The following GPSM2 variants were observed in gnomAD, a reference collection of about 807,000 sequenced individuals.
The protein encoded by GPSM2 is G protein signaling modulator 2, also known as G protein-signaling modulator 2.
In GPSM2, 58 loss-of-function variants were observed where a neutral mutation model predicts 78.4. That is an observed-to-expected ratio of 0.74 (90% confidence interval 0.60 to 0.92). The LOEUF is 0.92. Among genes scored for constraint, GPSM2 ranks in the 40% least tolerant of loss-of-function variants. The pLI is 0.00. For synonymous variants in GPSM2, 224 were observed against 280.2 expected (o/e 0.80, Z 2.00); for missense variants, 700 against 815.5 (o/e 0.86, Z 1.73).
chr1:108,887,264 TG>T (rs1440341395), intron 2 of GPSM2, among the ~76,000 whole-genome samples: 3 of 152,168 alleles, frequency 2.0e-5, no homozygotes, highest in Non-Finnish European at 2.9e-5. Context: ...TTTAAAAATG[TG>T]GGTTGAACAT....
intron 10 of GPSM2, among the ~76,000 whole-genome samples, chr1:108,906,011 A>T (rs759340506): frequency 2.7e-4 from 41 of 152,180 alleles, no homozygotes; most frequent in Middle Eastern, 6.3e-3. Context: ...TCAGATTTAT[A>T]TTTCCAGCCA....
intron 10 of GPSM2, among the ~76,000 whole-genome samples, chr1:108,912,960 T>C (rs1350272867): frequency 6.6e-6 from 1 of 151,576 alleles, no homozygotes; most frequent in East Asian, 1.9e-4. Flanking sequence ...CCCATAAATA[T>C]ATGAGAAGAT....
At position 108,923,975 on chromosome 1, in the gene GPSM2, T is replaced by C. The variant is rs12034820; in HGVS notation, c.1601-25T>C. 0.013 allele frequency: 18,834 copies of C among 1,486,796 alleles called. 288 individuals are homozygous for C. Among genetic ancestry groups the C allele is most frequent in the South Asian group, 0.054 (4,736 of 88,386 alleles). The allele number at this position is 1,486,796 out of a possible 1,614,324, so 92.1% of individuals were successfully genotyped here. On this transcript the variant is annotated intron_variant, in intron 13 of 14. Coordinates refer to ENST00000264126, the MANE Select transcript of GPSM2 (RefSeq NM_013296.5). ...TTTTGTTTTTTGTTTTTTTTTAATC[T>C]TTGGCTTTCTTCTTCTGTTCTTAGC... is the stretch of plus-strand genomic sequence containing the variant.
At chr1:108,898,531 G>A in intron 5 of GPSM2, 111 bp from the exon 6 acceptor site, 1 of 914,188 alleles carries the variant, frequency 1.1e-6, no homozygotes, top group Non-Finnish European at 1.7e-6. Context: ...TGCACATTAT[G>A]GCTGTAAGCT....
chr1:108,881,147 T>A (rs1665877518), intron 1 of GPSM2, among the ~76,000 whole-genome samples: 1 of 152,236 alleles, frequency 6.6e-6, no homozygotes, highest in Non-Finnish European at 1.5e-5. Flanking sequence ...TTTCTATATG[T>A]CTCTGTCAAT....
At chr1:108,897,387 C>T in intron 3 of GPSM2, 105 bp from the exon 4 acceptor site, 1 of 1,094,752 alleles carries the variant, frequency 9.1e-7, no homozygotes, top group African/African-American at 1.6e-5. Flanking sequence ...TTAAGCATGT[C>T]AGTTTGTCCT....
At chr1:108,924,569 T>C (rs1299654157) in intron 14 of GPSM2, among the ~76,000 whole-genome samples, 1 of 152,100 alleles carries the variant, frequency 6.6e-6, no homozygotes, top group Non-Finnish European at 1.5e-5. Flanking sequence ...GGGGAGTGTC[T>C]GTTTTAGGTA....
intron 10 of GPSM2, among the ~76,000 whole-genome samples, chr1:108,910,289 T>C (rs1235905733): frequency 6.6e-6 from 1 of 152,170 alleles, no homozygotes; most frequent in Admixed American, 6.6e-5. Context: ...CGAGCAGTAA[T>C]TTAAAATCTT....
At chr1:108,911,915 C>G (rs1337855945) in intron 10 of GPSM2, among the ~76,000 whole-genome samples, 1 of 151,134 alleles carries the variant, frequency 6.6e-6, no homozygotes, top group Non-Finnish European at 1.5e-5. Flanking sequence ...AAGCAATCTG[C>G]CCACCTCAGC....
chr1:108,897,998 T>TATTGTA lies in GPSM2; in HGVS notation c.456_457insTGTAAT (p.Tyr152_His153insCysAsn). The TATTGTA allele has an allele frequency of 6.2e-7, 1 of 1,613,852 alleles. No homozygotes were observed. Among genetic ancestry groups the TATTGTA allele is most frequent in the Non-Finnish European group, 8.5e-7 (1 of 1,179,720 alleles). ...AGCACTTTACAATCTTGGGAATGTG[T>TATTGTA]ATCATGCCAAAGGGAAAAGTTTTGG... On this transcript the variant is annotated inframe_insertion, in exon 5 of 15. Transcript: ENST00000264126.
At chr1:108,919,849 AAAG>A (rs1650565108) in intron 12 of GPSM2, among the ~76,000 whole-genome samples, 1 of 152,248 alleles carries the variant, frequency 6.6e-6, no homozygotes, top group Non-Finnish European at 1.5e-5. Flanking sequence ...AGTACATTAC[AAAG>A]AAGGTACTTC....
chr1:108,903,977 T>G (rs1301361560), intron 9 of GPSM2, 148 bp from the exon 10 acceptor site: 9 of 615,010 alleles, frequency 1.5e-5, no homozygotes, highest in South Asian at 1.4e-4. Flanking sequence ...GAAAAAAATT[T>G]TCATTCATTC....
chr1:108,909,201 G>A (rs1649511027), intron 10 of GPSM2, among the ~76,000 whole-genome samples: 1 of 152,170 alleles, frequency 6.6e-6, no homozygotes, highest in Non-Finnish European at 1.5e-5. Flanking sequence ...GTATGTTTGT[G>A]TATGTTCTAG....
chr1:108,916,724 A>G (rs1204172188), intron 11 of GPSM2, among the ~76,000 whole-genome samples: 1 of 152,230 alleles, frequency 6.6e-6, no homozygotes, highest in Admixed American at 6.5e-5. Context: ...AAGTGATAAA[A>G]TTCTATCCTT....
intron 10 of GPSM2, 94 bp from the exon 11 acceptor site, chr1:108,914,244 T>C (rs553910071): frequency 5.0e-6 from 4 of 807,588 alleles, no homozygotes; most frequent in South Asian, 2.9e-5. Context: ...TATGGGTTTG[T>C]GTATCAGATT....
chr1:108,929,868 G>A lies in GPSM2; in HGVS notation c.1983G>A (p.Gly661=). 1 of 1,613,838 alleles carries A rather than the reference G, an allele frequency of 6.2e-7. No individual in the cohort carries two copies. The highest frequency in any genetic ancestry group is 8.5e-7 in the Non-Finnish European group (1 of 1,179,758). ...ATCAAAACAGAGACACTGACTTTGG[G>A]CTAAAGGACTTTTTGCAAAATAATG... ...QRDQNRDTDF[G]LKDFLQNNAL... Residue 661 remains glycine, a synonymous_variant, in exon 15 of 15, where the codon GGG becomes GGA. Coordinates refer to ENST00000264126, the MANE Select transcript of GPSM2 (RefSeq NM_013296.5).
chr1:108,901,314 C>T (rs1648786720), intron 7 of GPSM2, among the ~76,000 whole-genome samples: 1 of 152,144 alleles, frequency 6.6e-6, no homozygotes, highest in Admixed American at 6.6e-5. Context: ...GTGACTAATG[C>T]CCGATACATA....
intron 11 of GPSM2, among the ~76,000 whole-genome samples, chr1:108,914,702 C>T (rs1449218933): frequency 1.3e-5 from 2 of 152,148 alleles, no homozygotes; most frequent in African/African-American, 4.8e-5. Flanking sequence ...GACTGAGTGT[C>T]TGGGTTAGGC....
chr1:108,897,425 A>G, intron 3 of GPSM2, 67 bp from the exon 4 acceptor site: 1 of 1,473,514 alleles, frequency 6.8e-7, no homozygotes, highest in Non-Finnish European at 9.2e-7. Flanking sequence ...TGGCTACTTT[A>G]TATTTTAACA....
Sources: gnomAD v4.1 joint callset for allele counts (sites outside exome capture counted in the v4.1 genomes callset) on GRCh38, gnomAD v4.1.1 for gene constraint, MANE v1.5 for transcripts, NCBI Gene and HGNC (gene_info 2026-07-23, HGNC 2026-07-21) for gene names.